The following JPH2 variants were observed in gnomAD, a reference collection of about 807,000 sequenced individuals.
The protein encoded by JPH2 is junctophilin-2.
In JPH2, 38 loss-of-function variants were observed where a neutral mutation model predicts 55.9. The observed-to-expected ratio is 0.68, with a 90% CI of 0.52 to 0.89. JPH2 has a LOEUF of 0.89. Among genes scored for constraint, JPH2 ranks in the 40% least tolerant of loss-of-function variants. JPH2 has a pLI of 0.00. For missense variants in JPH2, 964 were observed against 1,037.6 expected, an observed-to-expected ratio of 0.93 and a Z score of 0.97; for synonymous variants, 480 against 472.4, an observed-to-expected ratio of 1.02 and a Z score of -0.21.
chr20:44,137,203 G>A (rs2072419085), intron 2 of JPH2, among the ~76,000 whole-genome samples: 1 of 152,080 alleles, frequency 6.6e-6, no homozygotes, highest in South Asian at 2.1e-4. Context: ...CGCCTGCCCA[G>A]GAGCCTGCTG....
Position 44,110,170 on chromosome 20 carries a change from C to G in JPH2, c.*3348G>C, listed in dbSNP as rs1032423366. Among the ~76,000 whole-genome samples, 1 of 152,032 alleles carries G rather than the reference C, an allele frequency of 6.6e-6. No individual in the cohort carries two copies. The highest frequency in any genetic ancestry group is 1.9e-4 in the East Asian group (1 of 5,176). On this transcript the variant is annotated 3_prime_UTR_variant, in exon 6 of 6. Coordinates refer to ENST00000372980, the MANE Select transcript of JPH2 (RefSeq NM_020433.5). ...GGAAGCCGCCTCCTTTGCACACCATCCAAAGTGAGTTCAATACAGCCACCC... is the reference window on the plus strand; with the variant it reads ...GGAAGCCGCCTCCTTTGCACACCATGCAAAGTGAGTTCAATACAGCCACCC...
At chr20:44,131,039 G>C (rs1318419382) in intron 2 of JPH2, among the ~76,000 whole-genome samples, 4 of 152,180 alleles carry the variant, frequency 2.6e-5, no homozygotes, top group Admixed American at 1.3e-4. Context: ...CAAAGTAAGA[G>C]ATGTCAGGCA....
intron 2 of JPH2, among the ~76,000 whole-genome samples, chr20:44,132,317 G>T (rs531271717): frequency 1.0e-4 from 15 of 149,544 alleles, no homozygotes; most frequent in Admixed American, 8.7e-4. Flanking sequence ...AATACAGGTT[G>T]CCCACTGTGA....
intron 2 of JPH2, among the ~76,000 whole-genome samples, chr20:44,133,459 T>A (rs979916066): frequency 4.6e-5 from 7 of 152,086 alleles, no homozygotes; most frequent in African/African-American, 1.2e-4. Flanking sequence ...TAGGCCTCCT[T>A]TGGGGGCAGC....
At chr20:44,185,056 G>A (rs114011242) in intron 1 of JPH2, among the ~76,000 whole-genome samples, 3,686 of 152,264 alleles carry the variant, frequency 0.024, 168 homozygotes, top group African/African-American at 0.083. Context: ...GATTACAGGC[G>A]TGAGCCACGG....
chr20:44,113,947 TAG>T (rs2145836454), intron 5 of JPH2, among the ~76,000 whole-genome samples: 1 of 152,278 alleles, frequency 6.6e-6, no homozygotes, highest in Admixed American at 6.5e-5. Context: ...GGTGACAGCA[TAG>T]ACTTTCCTGG....
chr20:44,115,572 G>A (rs1569180429), intron 4 of JPH2, 93 bp downstream of exon 4: 1 of 1,545,978 alleles, frequency 6.5e-7, no homozygotes, highest in South Asian at 1.1e-5. Flanking sequence ...TCGCACCCCA[G>A]CAACCCCCAA....
At position 44,107,376 on chromosome 20, in the gene JPH2, G is replaced by T. The variant is rs573939977; in HGVS notation, c.*6142C>A. On this transcript the variant is annotated 3_prime_UTR_variant, in exon 6 of 6. Coordinates refer to ENST00000372980, the MANE Select transcript of JPH2 (RefSeq NM_020433.5). The stretch of plus-strand genomic sequence containing the variant: ...ACCCACATCCTTCTCTTCTCCCTGA[G>T]GACACATGTAGTCCGTATTTCCCAG... Among the ~76,000 whole-genome samples, 1 of 152,224 alleles carries T rather than the reference G, an allele frequency of 6.6e-6. No individual in the cohort carries two copies. Among genetic ancestry groups the T allele is most frequent in the Non-Finnish European group, 1.5e-5 (1 of 68,006 alleles).
intron 3 of JPH2, among the ~76,000 whole-genome samples, chr20:44,116,746 A>G (rs2072196028): frequency 6.6e-6 from 1 of 152,188 alleles, no homozygotes; most frequent in Non-Finnish European, 1.5e-5. Context: ...TATCTGAAAC[A>G]TGGGCCTGAT....
intron 2 of JPH2, among the ~76,000 whole-genome samples, chr20:44,120,628 G>A (rs888710467): frequency 6.6e-6 from 1 of 152,200 alleles, no homozygotes; most frequent in East Asian, 1.9e-4. Flanking sequence ...CCCAGGCAAC[G>A]TAACTCTAGG....
chr20:44,168,436 C>T (rs956445712), intron 1 of JPH2, among the ~76,000 whole-genome samples: 7 of 152,076 alleles, frequency 4.6e-5, no homozygotes, highest in Non-Finnish European at 7.4e-5. Flanking sequence ...TTAAATATGG[C>T]TACTAAAAAT....
At chr20:44,144,530 A>G (rs2072480239) in intron 2 of JPH2, among the ~76,000 whole-genome samples, 1 of 152,170 alleles carries the variant, frequency 6.6e-6, no homozygotes, top group Non-Finnish European at 1.5e-5. Flanking sequence ...GCAGGATCTG[A>G]GCCTCGATTC....
chr20:44,139,333 T>G (rs2072439068), intron 2 of JPH2, among the ~76,000 whole-genome samples: 1 of 149,190 alleles, frequency 6.7e-6, no homozygotes, highest in East Asian at 2.0e-4. Flanking sequence ...CAACTGCGAG[T>G]TGGGGGAATT....
chr20:44,180,743 G>A (rs1019637544), intron 1 of JPH2, among the ~76,000 whole-genome samples: 1 of 152,190 alleles, frequency 6.6e-6, no homozygotes, highest in Admixed American at 6.5e-5. Flanking sequence ...GAGACTATGT[G>A]AGAAAATGCC....
In JPH2 at chr20:44,106,632, C is replaced by G. The variant is rs763073834; in HGVS notation, c.*6886G>C. Among the ~76,000 whole-genome samples, 2 of 152,094 alleles carry G rather than the reference C, an allele frequency of 1.3e-5. No homozygotes were observed. The highest frequency in any genetic ancestry group is 2.9e-5 in the Non-Finnish European group (2 of 68,016). On this transcript the variant is annotated 3_prime_UTR_variant, in exon 6 of 6. Transcript: ENST00000372980. ...TAATGGGACTCACAGTTCCAAGTGG[C>G]TAGGGAAGCCTCACAATCATGGTGG...
At chr20:44,148,998 C>T (rs1447455759) in intron 2 of JPH2, among the ~76,000 whole-genome samples, 3 of 150,814 alleles carry the variant, frequency 2.0e-5, no homozygotes, top group Middle Eastern at 3.4e-3. Context: ...ACCTGGTAGG[C>T]GGAGCTTGCA....
chr20:44,155,862 C>T (rs2072562031), intron 2 of JPH2, among the ~76,000 whole-genome samples: 2 of 151,970 alleles, frequency 1.3e-5, no homozygotes, highest in African/African-American at 2.4e-5. Flanking sequence ...ATGGCAAAAC[C>T]CCATCTCTAT....
intron 1 of JPH2, among the ~76,000 whole-genome samples, chr20:44,165,664 G>A (rs561761379): frequency 6.6e-6 from 1 of 151,994 alleles, no homozygotes; most frequent in Non-Finnish European, 1.5e-5. Flanking sequence ...CTCCTCTCCC[G>A]CCATCCTCCC....
At chr20:44,177,009 T>C in intron 1 of JPH2, 10 of 985,466 alleles carry the variant, frequency 1.0e-5, no homozygotes, top group Non-Finnish European at 1.1e-5. Context: ...ATTCCTGGCC[T>C]GGAGCAGGGG....
Sources: allele counts gnomAD v4.1 joint callset (sites outside exome capture counted in the v4.1 genomes callset), GRCh38; gene constraint gnomAD v4.1.1; transcripts MANE v1.5; gene names NCBI Gene and HGNC (gene_info 2026-07-23, HGNC 2026-07-21).